The following ADAMTSL3 variants were observed in gnomAD, a reference collection of about 807,000 sequenced individuals.
ADAMTSL3 encodes the protein ADAMTS-like protein 3.
In ADAMTSL3, 128 loss-of-function variants were observed where a neutral mutation model predicts 201.7. The observed-to-expected ratio is 0.63, with a 90% CI of 0.55 to 0.73. The LOEUF (loss-of-function observed/expected upper bound fraction) is 0.73, where lower values mean the gene tolerates loss of function less well. Among genes scored for constraint, ADAMTSL3 ranks in the 30% least tolerant of loss-of-function variants. The probability of loss-of-function intolerance (pLI) is 0.00; values close to 1 mark genes in which losing one functional copy is unlikely to be tolerated. For missense variants in ADAMTSL3, 1,990 were observed against 2,119.6 expected (o/e 0.94, Z 1.20); for synonymous variants, 738 against 748.4 (o/e 0.99, Z 0.23).
At chr15:84,031,500 C>A in intron 28 of ADAMTSL3, 68 bp downstream of exon 28, 2 of 1,384,374 alleles carry the variant, frequency 1.4e-6, no homozygotes, top group Non-Finnish European at 2.0e-6. Context: ...TTATAACTGC[C>A]TGAAAATGGA....
At chr15:83,893,003 A>G (rs1038464166) in intron 13 of ADAMTSL3, 115 bp downstream of exon 13, 24 of 1,013,266 alleles carry the variant, frequency 2.4e-5, no homozygotes, top group Non-Finnish European at 3.2e-5. Flanking sequence ...GTAAAAGAGC[A>G]TGGTTCCTAC....
At chr15:83,834,241 T>G (rs897421319) in intron 6 of ADAMTSL3, among the ~76,000 whole-genome samples, 1 of 152,224 alleles carries the variant, frequency 6.6e-6, no homozygotes, top group Non-Finnish European at 1.5e-5. Context: ...CCTTAAATCT[T>G]CTTATAGAAG....
intron 9 of ADAMTSL3, among the ~76,000 whole-genome samples, chr15:83,876,800 T>C (rs2065185756): frequency 6.6e-6 from 1 of 152,090 alleles, no homozygotes. Flanking sequence ...CCTGGCTATT[T>C]ATTCATTTAT....
intron 2 of ADAMTSL3, among the ~76,000 whole-genome samples, chr15:83,671,660 A>G (rs185814913): frequency 3.5e-3 from 538 of 152,344 alleles, no homozygotes; most frequent in African/African-American, 0.012. Context: ...TCTGCATTGA[A>G]GAATATTGTT....
intron 5 of ADAMTSL3, among the ~76,000 whole-genome samples, chr15:83,811,747 G>A (rs1265385627): frequency 6.6e-6 from 1 of 152,218 alleles, no homozygotes; most frequent in East Asian, 1.9e-4. Flanking sequence ...TTAGTTCTCA[G>A]AGTTGGAATC....
chr15:83,872,476 G>C (rs562762541), intron 9 of ADAMTSL3, among the ~76,000 whole-genome samples: 1 of 152,054 alleles, frequency 6.6e-6, no homozygotes, highest in Admixed American at 6.6e-5. Flanking sequence ...AAAGGTTTTG[G>C]GGAAGCCATA....
At chr15:83,802,911 G>A (rs932746983) in intron 4 of ADAMTSL3, among the ~76,000 whole-genome samples, 13 of 152,136 alleles carry the variant, frequency 8.5e-5, no homozygotes, top group African/African-American at 3.1e-4. Context: ...ATAGCAATGT[G>A]AACATACTTA....
At chr15:84,015,377 G>C (rs753811968) in intron 24 of ADAMTSL3, among the ~76,000 whole-genome samples, 1 of 152,176 alleles carries the variant, frequency 6.6e-6, no homozygotes, top group Non-Finnish European at 1.5e-5. Context: ...GCTTTCCTTG[G>C]GGCAGTTAGA....
At chr15:83,906,615 CCA>C (rs1202785611) in intron 15 of ADAMTSL3, among the ~76,000 whole-genome samples, 1 of 142,400 alleles carries the variant, frequency 7.0e-6, no homozygotes, top group South Asian at 2.3e-4. Context: ...TTATATAGTG[CCA>C]CACACCACAC....
intron 7 of ADAMTSL3, among the ~76,000 whole-genome samples, chr15:83,849,393 T>A (rs757770183): frequency 2.0e-5 from 3 of 152,216 alleles, no homozygotes; most frequent in African/African-American, 7.2e-5. Context: ...CCCAAAGTCC[T>A]GGGATTACAG....
At chr15:83,674,957 A>G (rs1334587030) in intron 2 of ADAMTSL3, among the ~76,000 whole-genome samples, 4 of 151,674 alleles carry the variant, frequency 2.6e-5, no homozygotes, top group African/African-American at 9.6e-5. Context: ...AATTCTGAAC[A>G]ATCCTTGTTG....
intron 19 of ADAMTSL3, among the ~76,000 whole-genome samples, chr15:83,965,999 C>T (rs1165663759): frequency 6.6e-6 from 1 of 152,102 alleles, no homozygotes; most frequent in Non-Finnish European, 1.5e-5. Flanking sequence ...AACAAAGACA[C>T]AATGTACCAG....
Position 83,863,170 on chromosome 15 carries a change from G to A in ADAMTSL3, c.802+4330G>A, listed in dbSNP as rs1264528174. Among the ~76,000 whole-genome samples the A allele has an allele frequency of 2.6e-5, 4 of 152,234 alleles. No individual in the cohort carries two copies. The East Asian group carries it at 7.7e-4, about 29-fold the overall frequency. On this transcript the variant is annotated intron_variant, in intron 8 of 29. Coordinates refer to ENST00000286744, the MANE Select transcript of ADAMTSL3 (RefSeq NM_207517.3). ...ACTTAGACTCCCATACAATAATAAT[G>A]GGAGACTTTAACAACCCACTGTCAA...
At chr15:83,824,612 A>G (rs72746964) in intron 6 of ADAMTSL3, among the ~76,000 whole-genome samples, 15,368 of 152,194 alleles carry the variant, frequency 0.1, 989 homozygotes, top group East Asian at 0.32. Context: ...CACTGACCTA[A>G]AAATCCTCTA....
chr15:83,822,800 G>A (rs1468430840), intron 6 of ADAMTSL3, among the ~76,000 whole-genome samples: 1 of 151,788 alleles, frequency 6.6e-6, no homozygotes, highest in Admixed American at 6.6e-5. Flanking sequence ...GGTGGCGGCC[G>A]GGCAGAGGCT....
chr15:83,977,567 C>A (rs2067309049), intron 20 of ADAMTSL3, among the ~76,000 whole-genome samples: 1 of 150,738 alleles, frequency 6.6e-6, no homozygotes. Context: ...TGGGTACTGG[C>A]AATGGTGGTC....
intron 25 of ADAMTSL3, 31 bp from the exon 26 acceptor site, chr15:84,021,379 G>A: frequency 6.2e-7 from 1 of 1,612,264 alleles, no homozygotes; most frequent in Admixed American, 1.7e-5. Context: ...CTCTTTTGGG[G>A]CTGGCATGAT....
intron 22 of ADAMTSL3, 35 bp downstream of exon 22, chr15:83,988,853 T>C: frequency 3.7e-6 from 5 of 1,336,872 alleles, no homozygotes; most frequent in Non-Finnish European, 4.8e-6. Context: ...AATGCCTGGT[T>C]CTTTATTTTT....
At chr15:83,969,716 A>G (rs1173001958) in intron 19 of ADAMTSL3, among the ~76,000 whole-genome samples, 1 of 152,234 alleles carries the variant, frequency 6.6e-6, no homozygotes, top group South Asian at 2.1e-4. Context: ...TGGTTTCCCC[A>G]TACTGGGGGA....
Sources: allele counts gnomAD v4.1 joint callset (sites outside exome capture counted in the v4.1 genomes callset), GRCh38; gene constraint gnomAD v4.1.1; transcripts MANE v1.5; gene names NCBI Gene and HGNC (gene_info 2026-07-23, HGNC 2026-07-21).